The following N4BP1 variants were observed in gnomAD, a reference collection of about 807,000 sequenced individuals.
N4BP1 encodes the protein NEDD4-binding protein 1.
A neutral mutation model predicts 70.9 loss-of-function variants in N4BP1; 21 were observed. That is an observed-to-expected ratio of 0.30 (90% CI 0.21 to 0.43). The LOEUF is 0.43. Among genes scored for constraint, N4BP1 ranks in the 20% least tolerant of loss-of-function variants. The pLI is 1.00. For missense variants in N4BP1, 936 were observed against 1,069.4 expected, an observed-to-expected ratio of 0.88 and a Z score of 1.74; for synonymous variants, 387 against 394.6, an observed-to-expected ratio of 0.98 and a Z score of 0.23.
chr16:48,598,288 T>C (rs865964359), intron 1 of N4BP1, among the ~76,000 whole-genome samples: 8 of 152,214 alleles, frequency 5.3e-5, no homozygotes, highest in African/African-American at 9.6e-5. Context: ...CAGGAAGCCA[T>C]ATCATGTTTC....
At chr16:48,579,810 T>C (rs1964151252) in intron 1 of N4BP1, among the ~76,000 whole-genome samples, 1 of 152,114 alleles carries the variant, frequency 6.6e-6, no homozygotes, top group South Asian at 2.1e-4. Context: ...AAAGCAGGCG[T>C]AGCTATACTT....
intron 1 of N4BP1, chr16:48,603,552 T>C (rs1216650981): frequency 6.6e-6 from 1 of 152,150 alleles, no homozygotes; most frequent in East Asian, 1.9e-4. Flanking sequence ...CCCAGTTTCT[T>C]GCTATGGACT....
At chr16:48,555,323 C>T (rs941127741) in intron 2 of N4BP1, among the ~76,000 whole-genome samples, 5 of 152,006 alleles carry the variant, frequency 3.3e-5, no homozygotes, top group Non-Finnish European at 7.4e-5. Context: ...CTGGATCATA[C>T]TCCGGCTTCC....
At chr16:48,577,146 AC>A (rs1232572313) in intron 1 of N4BP1, among the ~76,000 whole-genome samples, 1 of 151,930 alleles carries the variant, frequency 6.6e-6, no homozygotes, top group African/African-American at 2.4e-5. Context: ...TCAAACCAAA[AC>A]CACTTTGTTG....
Position 48,609,740 on chromosome 16 carries a change from G to A in N4BP1, c.198+35C>T, listed in dbSNP as rs1421181401. ...GAGCCCGGAGACCCGGACCGATCGA[G>A]GCCGCGGGCGCGCGGGGGCGGCGGC... On this transcript the variant is annotated intron_variant, in intron 1 of 6. Transcript: ENST00000262384. 1.5e-6 allele frequency: 2 copies of A among 1,314,866 alleles called. 1 individual carries two copies. The highest frequency in any genetic ancestry group is 3.9e-5 in the South Asian group (2 of 50,768). The allele number at this position is 1,314,866 out of a possible 1,614,324, so 81.4% of individuals were successfully genotyped here.
At chr16:48,546,113 G>A (rs1258037551) in intron 6 of N4BP1, 34 bp downstream of exon 6, 3 of 1,407,570 alleles carry the variant, frequency 2.1e-6, no homozygotes, top group Non-Finnish European at 3.0e-6. Flanking sequence ...TGAAATAGAA[G>A]TTTTAATACA....
intron 2 of N4BP1, chr16:48,560,469 CACTAT>C: frequency 3.6e-6 from 1 of 275,390 alleles, no homozygotes; most frequent in East Asian, 7.1e-5. Context: ...ACTTAAAAGT[CACTAT>C]ACTACATATC....
At chr16:48,594,503 C>T (rs977143206) in intron 1 of N4BP1, among the ~76,000 whole-genome samples, 10 of 152,056 alleles carry the variant, frequency 6.6e-5, no homozygotes, top group African/African-American at 1.9e-4. Context: ...TATAGGTGTA[C>T]GCCACTACAC....
chr16:48,585,881 AGATGAGG>A (rs112294038), intron 1 of N4BP1, among the ~76,000 whole-genome samples: 3 of 152,248 alleles, frequency 2.0e-5, no homozygotes, highest in African/African-American at 7.2e-5. Flanking sequence ...TTTTTAGTAG[AGATGAGG>A]TTTCATCACG....
In N4BP1 at chr16:48,561,267, C is replaced by T. The variant is rs1343566891; in HGVS notation, c.1376G>A (p.Arg459Lys). 14 of 1,613,800 alleles carry T rather than the reference C, an allele frequency of 8.7e-6. No homozygotes were observed. The highest frequency in any genetic ancestry group is 1.3e-5 in the African/African-American group (1 of 74,908). ...VEAKPCTSNCRINTFRTVPIE... is the reference protein window; with the variant it reads ...VEAKPCTSNCKINTFRTVPIE... ...TGGCACTGTTCTGAAAGTATTAATTCTACAATTTGAGGTACATGGTTTAGC... is the reference window on the plus strand; with the variant it reads ...TGGCACTGTTCTGAAAGTATTAATTTTACAATTTGAGGTACATGGTTTAGC... Residue 459 changes from arginine (R) to lysine (K), a missense_variant, in exon 2 of 7, where the codon AGA becomes AAA. Around this residue, in one of 4 missense-constraint regions of N4BP1, gnomAD observed 515 missense variants for 491.7 expected, o/e 1.05. Coordinates refer to ENST00000262384, the MANE Select transcript of N4BP1 (RefSeq NM_153029.4).
At position 48,562,374 on chromosome 16, in the gene N4BP1, A is replaced by T; in HGVS notation, c.269T>A (p.Ile90Asn). 6.2e-7 allele frequency: 1 copy of T among 1,613,870 alleles called. No individual in the cohort carries two copies. The highest frequency in any genetic ancestry group is 8.5e-7 in the Non-Finnish European group (1 of 1,179,846). Reference protein sequence around the residue: ...RECYPKDMHCIFVGAESLFLK... With the variant: ...RECYPKDMHCNFVGAESLFLK... ...AAACAGGCTCTCTGCCCCAACAAAA[A>T]TGCAGTGCATGTCCTTGGGGTAACA... The change falls in exon 2 of 7, where the codon ATT becomes AAT. Residue 90 changes from isoleucine to asparagine, a missense_variant. Physicochemically the swap from Ile to Asn is moderately radical, Grantham distance 149. Transcript: ENST00000262384.
rs1010088663 is a variant in N4BP1, at chr16:48,540,299, C to G, written c.*2605G>C. On this transcript the variant is annotated 3_prime_UTR_variant, in exon 7 of 7. Transcript: ENST00000262384. ...GGGAGGGCGGGGAGAAGAGGGGTTT[C>G]TGTGTGTAGATCTGAGTCCTCCCTC... The G allele has an allele frequency of 6.6e-6, 1 of 152,242 alleles. No homozygotes were observed. The highest frequency in any genetic ancestry group is 1.5e-5 in the Non-Finnish European group (1 of 68,094). The allele number at this position is 152,242 out of a possible 1,614,324, so 9.4% of individuals were successfully genotyped here. A position where few individuals can be genotyped will look rare whatever the true frequency, so the allele number is the denominator to read the frequency against.
chr16:48,585,894 T>A (rs567881905), intron 1 of N4BP1, among the ~76,000 whole-genome samples: 2 of 152,054 alleles, frequency 1.3e-5, no homozygotes, highest in Admixed American at 6.6e-5. Flanking sequence ...TGAGGTTTCA[T>A]CACGTTGGCC....
chr16:48,579,621 T>C (rs1224975706), intron 1 of N4BP1, among the ~76,000 whole-genome samples: 2 of 150,456 alleles, frequency 1.3e-5, no homozygotes, highest in East Asian at 3.9e-4. Flanking sequence ...AATCTGTATC[T>C]AACCAAGCAA....
intron 1 of N4BP1, among the ~76,000 whole-genome samples, chr16:48,595,007 G>A (rs1477156658): frequency 2.6e-5 from 4 of 152,068 alleles, no homozygotes; most frequent in Non-Finnish European, 5.9e-5. Context: ...TAATAACACT[G>A]GAGATTGTGG....
At chr16:48,578,591 AC>A (rs1204551082) in intron 1 of N4BP1, among the ~76,000 whole-genome samples, 4 of 152,138 alleles carry the variant, frequency 2.6e-5, no homozygotes, top group African/African-American at 9.7e-5. Flanking sequence ...TCTTCTTCCT[AC>A]TGTCAGTTTT....
intron 1 of N4BP1, among the ~76,000 whole-genome samples, chr16:48,608,715 T>C (rs1299649297): frequency 1.4e-5 from 2 of 146,196 alleles, no homozygotes; most frequent in Non-Finnish European, 3.0e-5. Context: ...AGGCAGAAGG[T>C]GAGTCACCAC....
chr16:48,551,300 TA>T, intron 4 of N4BP1, 85 bp downstream of exon 4: 1 of 930,396 alleles, frequency 1.1e-6, no homozygotes, highest in Non-Finnish European at 1.7e-6. Context: ...GCAGGTCCTC[TA>T]AAAGTGTGGA....
At chr16:48,591,898 T>TTTTTC (rs57352767) in intron 1 of N4BP1, among the ~76,000 whole-genome samples, 15 of 149,058 alleles carry the variant, frequency 1.0e-4, no homozygotes, top group Admixed American at 2.7e-4. Flanking sequence ...TTTTTTTTTT[T>TTTTTC]TCCAAGTTTT....
Sources: allele counts gnomAD v4.1 joint callset (sites outside exome capture counted in the v4.1 genomes callset), GRCh38; gene constraint gnomAD v4.1.1; regional missense constraint gnomAD v4.1.1; transcripts MANE v1.5; gene names NCBI Gene and HGNC (gene_info 2026-07-23, HGNC 2026-07-21).